LRRC4C: variants seen among roughly 807,000 people sequenced by gnomAD.
LRRC4C encodes leucine-rich repeat-containing protein 4C.
LRRC4C carries 5 observed loss-of-function variants against 33.6 expected under a neutral mutation model. The observed-to-expected ratio is 0.15, with a 90% CI of 0.08 to 0.31. LRRC4C has a LOEUF of 0.31. Ranked by LOEUF, LRRC4C falls within the 10% of genes least tolerant of loss-of-function variation. The pLI is 1.00. For missense variants in LRRC4C, 560 were observed against 796.7 expected (o/e 0.70, Z 3.58); for synonymous variants, 329 against 302.0 (o/e 1.09, Z -0.93).
At chr11:41,213,462 T>C (rs966107127) in intron 1 of LRRC4C, among the ~76,000 whole-genome samples, 1 of 152,196 alleles carries the variant, frequency 6.6e-6, no homozygotes, top group African/African-American at 2.4e-5. Context: ...TTTAATGTAC[T>C]TTAAGCATCC....
rs1196188625 is a variant in LRRC4C, at chr11:41,304,660, G to A, written c.-496+154771C>T. The stretch of plus-strand genomic sequence containing the variant: ...CTCCGCCCAGCCAGCCGCCCCATCC[G>A]GGAGGGAGGTTGGGGGGTCAGCCCC... On this transcript the variant is annotated intron_variant, in intron 1 of 6. Transcript: ENST00000528697. Among the ~76,000 whole-genome samples the A allele has an allele frequency of 3.6e-5, 4 of 112,216 alleles. 1 individual carries two copies. Among genetic ancestry groups the A allele is most frequent in the Admixed American group, 2.0e-4 (2 of 10,244 alleles). 73.6% of individuals were successfully genotyped at this position (112,216 alleles called of 152,430 possible). A position where few individuals can be genotyped will look rare whatever the true frequency, so the allele number is the denominator to read the frequency against.
intron 1 of LRRC4C, among the ~76,000 whole-genome samples, chr11:41,126,765 A>T (rs894906444): frequency 6.6e-6 from 1 of 151,962 alleles, no homozygotes; most frequent in East Asian, 2.0e-4. Flanking sequence ...AGATGAAGGA[A>T]TATGTGGGGA....
intron 1 of LRRC4C, among the ~76,000 whole-genome samples, chr11:41,299,062 G>T (rs1950217685): frequency 6.6e-6 from 1 of 152,096 alleles, no homozygotes; most frequent in South Asian, 2.1e-4. Flanking sequence ...CCATATCTTT[G>T]CTATCGTGAA....
intron 3 of LRRC4C, among the ~76,000 whole-genome samples, chr11:40,452,607 G>T (rs1951939544): frequency 6.6e-6 from 1 of 152,220 alleles, no homozygotes; most frequent in African/African-American, 2.4e-5. Flanking sequence ...TTCAACCATT[G>T]TGGAAGTCAG....
chr11:40,967,567 A>G (rs1435527767), intron 1 of LRRC4C, among the ~76,000 whole-genome samples: 1 of 152,018 alleles, frequency 6.6e-6, no homozygotes, highest in Non-Finnish European at 1.5e-5. Flanking sequence ...TGTAATTATC[A>G]CAATATTTCA....
intron 1 of LRRC4C, among the ~76,000 whole-genome samples, chr11:41,288,261 A>G (rs1392469979): frequency 6.6e-6 from 1 of 152,150 alleles, no homozygotes; most frequent in East Asian, 1.9e-4. Context: ...CTCCATCCTT[A>G]CCTTTATTAT....
chr11:41,312,060 T>C (rs550235338), intron 1 of LRRC4C, among the ~76,000 whole-genome samples: 2 of 152,228 alleles, frequency 1.3e-5, no homozygotes, highest in Non-Finnish European at 2.9e-5. Context: ...AGTTGACAGA[T>C]GAATCCCTAT....
intron 3 of LRRC4C, among the ~76,000 whole-genome samples, chr11:40,329,139 C>T (rs1946230504): frequency 6.6e-6 from 1 of 152,118 alleles, no homozygotes; most frequent in Admixed American, 6.5e-5. Flanking sequence ...TTCTGTGCTC[C>T]ATACACTCTC....
intron 4 of LRRC4C, among the ~76,000 whole-genome samples, chr11:40,301,469 G>A (rs184442672): frequency 5.3e-5 from 8 of 152,314 alleles, no homozygotes; most frequent in Admixed American, 5.2e-4. Flanking sequence ...ATCCAGTTGT[G>A]TAGTTTGGGA....
rs1323070394 is a variant in LRRC4C at position 40,625,379 on chromosome 11, G to A, written c.-270+22763C>T. Among the ~76,000 whole-genome samples, 9 of 152,160 alleles carry A rather than the reference G, an allele frequency of 5.9e-5. No homozygotes were observed. The East Asian group carries it at 1.7e-3, about 29-fold the overall frequency. On this transcript the variant is annotated intron_variant, in intron 3 of 6. Coordinates refer to ENST00000528697, the MANE Select transcript of LRRC4C (RefSeq NM_001258419.2). ...CTAGGGAGGCCTCACTAACATAAGG[G>A]AAGGTGAAAGAGGAGCAAAGGCACA...
chr11:40,438,578 A>C (rs1951244819), intron 3 of LRRC4C, among the ~76,000 whole-genome samples: 1 of 152,208 alleles, frequency 6.6e-6, no homozygotes, highest in African/African-American at 2.4e-5. Flanking sequence ...TGAACATTGA[A>C]TAAACAGATA....
intron 2 of LRRC4C, among the ~76,000 whole-genome samples, chr11:40,802,833 C>G (rs937251254): frequency 2.6e-5 from 4 of 152,192 alleles, no homozygotes; most frequent in Non-Finnish European, 5.9e-5. Flanking sequence ...GAAGTAAAGT[C>G]TATTAGTTTC....
intron 2 of LRRC4C, among the ~76,000 whole-genome samples, chr11:40,692,181 A>G (rs187125972): frequency 3.5e-4 from 54 of 152,146 alleles, no homozygotes; most frequent in Non-Finnish European, 6.3e-4. Flanking sequence ...ATCAGCATAC[A>G]ATGTGTCAAT....
intron 1 of LRRC4C, among the ~76,000 whole-genome samples, chr11:41,230,182 G>A (rs935808121): frequency 1.3e-5 from 2 of 152,002 alleles, no homozygotes; most frequent in Admixed American, 1.3e-4. Flanking sequence ...AATGTTTCAA[G>A]TAACTCATTT....
rs568624545 is a variant in LRRC4C at position 40,365,842 on chromosome 11, T to C, written c.-269-46121A>G. ...GGGATAGACCTATCTCCATTTTACT[T>C]ATTATATCTGACTTTGCAAGCCAAT... On this transcript the variant is annotated intron_variant, in intron 3 of 6. Coordinates refer to ENST00000528697, the MANE Select transcript of LRRC4C (RefSeq NM_001258419.2). Among the ~76,000 whole-genome samples, 53 of 152,206 alleles carry C rather than the reference T, an allele frequency of 3.5e-4. No individual in the cohort carries two copies. The South Asian group carries it at 0.01, about 29-fold the overall frequency.
intron 3 of LRRC4C, among the ~76,000 whole-genome samples, chr11:40,333,393 C>T (rs547446976): frequency 6.6e-6 from 1 of 152,062 alleles, no homozygotes; most frequent in East Asian, 1.9e-4. Context: ...ATACTATTTA[C>T]GAGTGAAAAA....
At chr11:40,363,104 T>C (rs1192695097) in intron 3 of LRRC4C, among the ~76,000 whole-genome samples, 1 of 152,168 alleles carries the variant, frequency 6.6e-6, no homozygotes, top group Non-Finnish European at 1.5e-5. Flanking sequence ...GACACATGCA[T>C]GCATATGTTC....
At chr11:40,945,100 A>T (rs1283416960) in intron 1 of LRRC4C, among the ~76,000 whole-genome samples, 3 of 139,212 alleles carry the variant, frequency 2.2e-5, no homozygotes, top group South Asian at 2.2e-4. Context: ...CGATCTCGGC[A>T]CACTGCAAGC....
At chr11:41,398,883 T>C (rs528666826) in intron 1 of LRRC4C, among the ~76,000 whole-genome samples, 1 of 151,998 alleles carries the variant, frequency 6.6e-6, no homozygotes, top group Non-Finnish European at 1.5e-5. Context: ...AAGGACCTTA[T>C]TGGCCTCTCT....
Sources: allele counts gnomAD v4.1 joint callset (sites outside exome capture counted in the v4.1 genomes callset), GRCh38; gene constraint gnomAD v4.1.1; transcripts MANE v1.5; gene names NCBI Gene and HGNC (gene_info 2026-07-23, HGNC 2026-07-21).